The following SERPINA10 variants were observed in gnomAD, a reference collection of about 807,000 sequenced individuals.
The protein encoded by SERPINA10 is serpin family A member 10.
Under a neutral mutation model 28.0 loss-of-function variants are expected in SERPINA10, and 24 were observed. That is an observed-to-expected ratio of 0.86 (90% CI 0.62 to 1.20). SERPINA10 has a LOEUF of 1.20. SERPINA10 is among the 50% of genes most tolerant of loss of function. SERPINA10 has a pLI of 0.00. For synonymous variants in SERPINA10, 207 were observed against 203.9 expected (o/e 1.02, Z -0.13); for missense variants, 521 against 537.7 (o/e 0.97, Z 0.31).
At position 94,286,089 on chromosome 14, in the gene SERPINA10, A is replaced by C. The variant is rs1895015765; in HGVS notation, c.1143+19T>G. On this transcript the variant is annotated intron_variant, in intron 4 of 4. Coordinates refer to ENST00000261994, the MANE Select transcript of SERPINA10 (RefSeq NM_001100607.3). ...CATTTCATGCTGAGGTTGGGCTCTG[A>C]TGAAAGATCCTGACTTACCCTGGAT... 1 of 1,614,096 alleles carries C rather than the reference A, an allele frequency of 6.2e-7. No homozygotes were observed. The highest frequency in any genetic ancestry group is 2.2e-5 in the East Asian group (1 of 44,870).
At position 94,284,064 on chromosome 14, in the gene SERPINA10, A is replaced by G; in HGVS notation, c.1236T>C (p.Pro412=). The part of the protein sequence containing the change: ...LSEITAYSMP[P]VIKVDRPFHF... ...GAAATGGCCGGTCCACTTTGATGACAGGAGGCATGGAATAAGCAGTAATTT... is the reference window on the plus strand; with the variant it reads ...GAAATGGCCGGTCCACTTTGATGACGGGAGGCATGGAATAAGCAGTAATTT... Residue 412 remains proline, a synonymous_variant, in exon 5 of 5, where the codon CCT becomes CCC. Transcript: ENST00000261994. 1 of 1,614,232 alleles carries G rather than the reference A, an allele frequency of 6.2e-7. No homozygotes were observed. The highest frequency in any genetic ancestry group is 8.5e-7 in the Non-Finnish European group (1 of 1,180,036).
At position 94,280,589 on chromosome 14, in the gene SERPINA10, A is replaced by G. The variant is rs1894874466; in HGVS notation, c.*3376T>C. The G allele has an allele frequency of 6.6e-6, 1 of 152,224 alleles. No individual in the cohort carries two copies. Among genetic ancestry groups the G allele is most frequent in the East Asian group, 1.9e-4 (1 of 5,202 alleles). 9.4% of individuals were successfully genotyped at this position (152,224 alleles called of 1,614,324 possible). A position where few individuals can be genotyped will look rare whatever the true frequency, so the allele number is the denominator to read the frequency against. On this transcript the variant is annotated 3_prime_UTR_variant, in exon 5 of 5. Transcript: ENST00000261994. ...CATTTATATCAAAAACAAGATGGAT[A>G]CTTTTGTGAAAGTTCTCAGTTTAAC...
intron 4 of SERPINA10, among the ~76,000 whole-genome samples, chr14:94,285,540 T>C (rs1349019327): frequency 6.6e-6 from 1 of 151,300 alleles, no homozygotes; most frequent in Admixed American, 6.6e-5. Context: ...TACACACATA[T>C]ACATTTATAC....
chr14:94,283,202 A>G lies in SERPINA10; in HGVS notation c.*763T>C, dbSNP rs1422726297. 4 of 152,256 alleles carry G rather than the reference A, an allele frequency of 2.6e-5. No individual in the cohort carries two copies. In the East Asian group the frequency reaches 7.7e-4, roughly 29 times the overall value. The allele number at this position is 152,256 out of a possible 1,614,324, so 9.4% of individuals were successfully genotyped here. On this transcript the variant is annotated 3_prime_UTR_variant, in exon 5 of 5. Transcript: ENST00000261994. ...TGTTCTCATCTGCAACTTTTTAAAA[A>G]TGAAAATATGTGAGCAACAGAGAAA...
rs41313509 is a variant in SERPINA10 at position 94,283,977 on chromosome 14, C to A, written c.1323G>T (p.Pro441=). 22,269 of 1,613,840 alleles carry A rather than the reference C, an allele frequency of 0.014. 200 individuals are homozygous for A. The highest frequency in any genetic ancestry group is 0.015 in the Non-Finnish European group (17,611 of 1,179,766). ...MLLFLGRVVN[P]TLL ...TGCGTGTCCTGAATTATAGGAGAGT[C>A]GGATTCACCACCCTGCCCAGAAACA... Residue 441 remains proline, a synonymous_variant, in exon 5 of 5, where the codon CCG becomes CCT. Transcript: ENST00000261994.
chr14:94,285,536 CATATACATTTATACACACATACATAT>C (rs947833548), intron 4 of SERPINA10, among the ~76,000 whole-genome samples: 1 of 151,130 alleles, frequency 6.6e-6, no homozygotes, highest in African/African-American at 2.4e-5. Flanking sequence ...CATATACACA[CATATACATTTATACACACATACATAT>C]ATACATATAT....
At chr14:94,285,598 T>C (rs184859646) in intron 4 of SERPINA10, among the ~76,000 whole-genome samples, 34 of 152,020 alleles carry the variant, frequency 2.2e-4, no homozygotes, top group Admixed American at 1.9e-3. Context: ...TATATACATA[T>C]AACAATTTTA....
chr14:94,285,780 G>A lies in SERPINA10; in HGVS notation c.1143+328C>T, dbSNP rs549094556. ...AGGGGTTTGTTTCATTGTAAAGGTG[G>A]TGTAATTTCATGAACTATTCAAGTT... On this transcript the variant is annotated intron_variant, in intron 4 of 4. Transcript: ENST00000261994. Among the ~76,000 whole-genome samples the A allele has an allele frequency of 2.0e-5, 3 of 152,096 alleles. No individual in the cohort carries two copies. In the South Asian group the frequency reaches 6.2e-4, roughly 32 times the overall value.
At position 94,290,545 on chromosome 14, in the gene SERPINA10, AC is replaced by A; in HGVS notation, c.48del (p.Trp17GlyfsTer25). On this transcript the variant is annotated frameshift_variant, in exon 2 of 5. Transcript: ENST00000261994. LOFTEE classifies it high-confidence loss of function. Reference protein sequence around the residue: ...SLLLSVLLAQVWLVPGLAPSP... With the variant: ...SLLLSVLLAQXWLVPGLAPSP... ...CTGGGGGCCAAGCCGGGTACCAGCCACACCTGTGCCAGGAGGACGGAGAGCA... is the reference window on the plus strand; with the variant it reads ...CTGGGGGCCAAGCCGGGTACCAGCCAACCTGTGCCAGGAGGACGGAGAGCA... 6.2e-7 allele frequency: 1 copy of A among 1,613,678 alleles called. No individual in the cohort carries two copies. Among genetic ancestry groups the A allele is most frequent in the Non-Finnish European group, 8.5e-7 (1 of 1,179,884 alleles).
rs1050465659 is a variant in SERPINA10 at position 94,281,252 on chromosome 14, C to G, written c.*2713G>C. 1.3e-5 allele frequency: 2 copies of G among 152,086 alleles called. No homozygotes were observed. The highest frequency in any genetic ancestry group is 2.4e-5 in the African/African-American group (1 of 41,388). 9.4% of individuals were successfully genotyped at this position (152,086 alleles called of 1,614,324 possible). On this transcript the variant is annotated 3_prime_UTR_variant, in exon 5 of 5. Coordinates refer to ENST00000261994, the MANE Select transcript of SERPINA10 (RefSeq NM_001100607.3). ...GAGATCAAGACCATCCTGACTAACACAGTGAAACCCCATCTCTACTTAAAA... is the reference window on the plus strand; with the variant it reads ...GAGATCAAGACCATCCTGACTAACAGAGTGAAACCCCATCTCTACTTAAAA...
rs1894929106 is a variant in SERPINA10 at position 94,282,717 on chromosome 14, T to G, written c.*1248A>C. The G allele has an allele frequency of 6.6e-6, 1 of 152,270 alleles. No homozygotes were observed. Among genetic ancestry groups the G allele is most frequent in the Non-Finnish European group, 1.5e-5 (1 of 68,052 alleles). 9.4% of individuals were successfully genotyped at this position (152,270 alleles called of 1,614,324 possible). On this transcript the variant is annotated 3_prime_UTR_variant, in exon 5 of 5. Coordinates refer to ENST00000261994, the MANE Select transcript of SERPINA10 (RefSeq NM_001100607.3). ...ACTGTAAGGGCCCATGAAGGTGTTT[T>G]GCTTATTGCCATATGCTAGACATAT...
chr14:94,288,241 G>A, intron 3 of SERPINA10, 45 bp downstream of exon 3: 2 of 1,610,866 alleles, frequency 1.2e-6, no homozygotes, highest in South Asian at 2.2e-5. Context: ...GCGTTTGCCA[G>A]TACAGAAAGG....
rs758509954 is a variant in SERPINA10 at position 94,289,985 on chromosome 14, C to A, written c.609G>T (p.Arg203Ser). 1.5e-5 allele frequency: 25 copies of A among 1,614,208 alleles called. No homozygotes were observed. Among genetic ancestry groups the A allele is most frequent in the Non-Finnish European group, 2.1e-5 (25 of 1,180,026 alleles). Residue 203 changes from arginine to serine, a missense_variant, in exon 2 of 5, where the codon AGG (arginine) becomes AGT (serine). Transcript: ENST00000261994. ...CTTTGTTAATGTAATGATTCATGAG[C>A]CTTTTGGCCTGTGAGGCATTGCGAA... The part of the protein sequence containing the change: ...MNFRNASQAK[R>S]LMNHYINKET...
chr14:94,287,402 C>G (rs540755860), intron 3 of SERPINA10, among the ~76,000 whole-genome samples: 2 of 152,136 alleles, frequency 1.3e-5, no homozygotes, highest in African/African-American at 4.8e-5. Context: ...CACATCCAAT[C>G]GATTAGCAGA....
rs1405650590 is a variant in SERPINA10, at chr14:94,283,803, C to T, written c.*162G>A. On this transcript the variant is annotated 3_prime_UTR_variant, in exon 5 of 5. Transcript: ENST00000261994. Reference sequence around the variant, plus strand: ...TGCTGGGGGTCTTTGAATGTATCCCCCTCAGATAAGTGGGGACTACTGTAT... The same window carrying T: ...TGCTGGGGGTCTTTGAATGTATCCCTCTCAGATAAGTGGGGACTACTGTAT... The T allele has an allele frequency of 1.3e-5, 9 of 691,242 alleles. No homozygotes were observed. The allele number at this position is 691,242 out of a possible 1,614,324, so 42.8% of individuals were successfully genotyped here. A position where few individuals can be genotyped will look rare whatever the true frequency, so the allele number is the denominator to read the frequency against.
intron 4 of SERPINA10, among the ~76,000 whole-genome samples, chr14:94,285,490 TA>T (rs1894997243): frequency 6.6e-6 from 1 of 150,998 alleles, no homozygotes; most frequent in Admixed American, 6.6e-5. Flanking sequence ...TCTCCATATA[TA>T]TATATATGTG....
At position 94,280,966 on chromosome 14, in the gene SERPINA10, A is replaced by G. The variant is rs894061533; in HGVS notation, c.*2999T>C. ...GGAGATGAGTCAGTTTTGCCATACA[A>G]TTAGTGGATATATGAGAAATCTTTG... is the stretch of plus-strand genomic sequence containing the variant. On this transcript the variant is annotated 3_prime_UTR_variant, in exon 5 of 5. Coordinates refer to ENST00000261994, the MANE Select transcript of SERPINA10 (RefSeq NM_001100607.3). The G allele has an allele frequency of 2.6e-5, 4 of 152,196 alleles. No homozygotes were observed. The highest frequency in any genetic ancestry group is 5.9e-5 in the Non-Finnish European group (4 of 68,030). 9.4% of individuals were successfully genotyped at this position (152,196 alleles called of 1,614,324 possible). A position where few individuals can be genotyped will look rare whatever the true frequency, so the allele number is the denominator to read the frequency against.
intron 1 of SERPINA10, chr14:94,292,543 A>G (rs1428379166): frequency 1.7e-5 from 12 of 700,766 alleles, no homozygotes; most frequent in South Asian, 1.5e-4. Flanking sequence ...TTCTCCCTGT[A>G]CAATGGTCAG....
rs1894914220 is a variant in SERPINA10, at chr14:94,282,073, A to C, written c.*1892T>G. 1 of 152,420 alleles carries C rather than the reference A, an allele frequency of 6.6e-6. No homozygotes were observed. Among genetic ancestry groups the C allele is most frequent in the African/African-American group, 2.4e-5 (1 of 41,394 alleles). 9.4% of individuals were successfully genotyped at this position (152,420 alleles called of 1,614,324 possible). A position where few individuals can be genotyped will look rare whatever the true frequency, so the allele number is the denominator to read the frequency against. ...AATTGCCTGTCCCTTCATAAGTGTC[A>C]ATTAGTACTCTTGGAATGAATACAG... On this transcript the variant is annotated 3_prime_UTR_variant, in exon 5 of 5. Transcript: ENST00000261994.
Sources: allele counts gnomAD v4.1 joint callset (sites outside exome capture counted in the v4.1 genomes callset), GRCh38; gene constraint gnomAD v4.1.1; transcripts MANE v1.5; gene names NCBI Gene and HGNC (gene_info 2026-07-23, HGNC 2026-07-21).